ADGRA1: variants seen among roughly 807,000 people sequenced by gnomAD.
ADGRA1 encodes G-protein coupled receptor 123.
In ADGRA1, 12 loss-of-function variants were observed where a neutral mutation model predicts 21.3. The ratio of observed to expected loss-of-function variants is 0.56; its 90% CI spans 0.36 to 0.91. ADGRA1 has a LOEUF of 0.91. Among genes scored for constraint, ADGRA1 ranks in the 40% least tolerant of loss-of-function variants. The pLI, the probability that ADGRA1 is intolerant of heterozygous loss-of-function variation, is 0.01. For missense variants in ADGRA1, 790 were observed against 805.6 expected (o/e 0.98, Z 0.23); for synonymous variants, 385 against 368.8 (o/e 1.04, Z -0.50).
At chr10:133,111,287 ACAACCT>A (rs1851997413) in intron 5 of ADGRA1, among the ~76,000 whole-genome samples, 12 of 78,306 alleles carry the variant, frequency 1.5e-4, no homozygotes, top group Non-Finnish European at 2.1e-4. Flanking sequence ...ATCCCACCAG[ACAACCT>A]GCCCCCCCGG....
intron 5 of ADGRA1, among the ~76,000 whole-genome samples, chr10:133,110,866 C>T (rs1171398884): frequency 7.2e-5 from 11 of 152,242 alleles, no homozygotes; most frequent in Middle Eastern, 3.4e-3. Flanking sequence ...ATCCCTTTGC[C>T]GCAGAGTGAT....
intron 5 of ADGRA1, among the ~76,000 whole-genome samples, chr10:133,120,131 C>G (rs112315548): frequency 0.048 from 7,363 of 152,278 alleles, 589 homozygotes; most frequent in African/African-American, 0.16. Flanking sequence ...AGGCCAAGCG[C>G]GGTGGCTCAT....
chr10:133,103,733 C>T (rs1178131532), intron 5 of ADGRA1, among the ~76,000 whole-genome samples: 1 of 152,238 alleles, frequency 6.6e-6, no homozygotes, highest in Non-Finnish European at 1.5e-5. Flanking sequence ...CTGCTTTAGA[C>T]GGGGGTCTGG....
chr10:133,100,066 C>T (rs1851762871), intron 4 of ADGRA1, among the ~76,000 whole-genome samples: 1 of 152,244 alleles, frequency 6.6e-6, no homozygotes, highest in South Asian at 2.1e-4. Flanking sequence ...ACGGGCCGGG[C>T]AGGCGCTCAC....
intron 5 of ADGRA1, among the ~76,000 whole-genome samples, chr10:133,110,152 C>T (rs914181367): frequency 2.0e-5 from 3 of 152,266 alleles, no homozygotes; most frequent in Admixed American, 1.3e-4. Flanking sequence ...CAAAGTTCTC[C>T]TGTCCTGGGA....
rs1852447656 is a variant in ADGRA1 at position 133,128,958 on chromosome 10, T to C, written c.1130T>C (p.Leu377Pro). ...GCCGCGCAGGGCCACGCCAGTTGCC[T>C]GTCACCGGCCACCCCGTGCTGCGCC... ...LQAAQGHASC[L>P]SPATPCCAKM... The change falls in exon 7 of 7, where the codon CTG (leucine) becomes CCG (proline). Residue 377 changes from leucine to proline, a missense_variant. Transcript: ENST00000392607. 6.4e-7 allele frequency: 1 copy of C among 1,556,404 alleles called. No homozygotes were observed. The highest frequency in any genetic ancestry group is 1.2e-5 in the South Asian group (1 of 84,674).
chr10:133,129,566 C>T lies in ADGRA1; in HGVS notation c.*55C>T, dbSNP rs1179329249. On this transcript the variant is annotated 3_prime_UTR_variant, in exon 7 of 7. Coordinates refer to ENST00000392607, the MANE Select transcript of ADGRA1 (RefSeq NM_001083909.3). ...GGAGCTTCAGAGCAGAGTGGGGGGC[C>T]CATCTGCCACATGAGGTCACTGGGG... The T allele has an allele frequency of 6.9e-7, 1 of 1,452,638 alleles. No individual in the cohort carries two copies. 90.0% of individuals were successfully genotyped at this position (1,452,638 alleles called of 1,614,324 possible). A position where few individuals can be genotyped will look rare whatever the true frequency, so the allele number is the denominator to read the frequency against.
chr10:133,097,059 T>C lies in ADGRA1; in HGVS notation c.89T>C (p.Leu30Pro). ...VVYACTAVML[L>P]CLLASFVTYI... ...TACGCGTGCACGGCCGTCATGCTGC[T>C]CTGCCTCCTGGCCTCCTTCGTCACC... The change falls in exon 3 of 7, where the codon CTC becomes CCC. Residue 30 changes from leucine to proline, a missense_variant. Leu to Pro is a moderately conservative substitution (Grantham distance 98). Around this residue, in one of 3 missense-constraint regions of ADGRA1, gnomAD observed 382 missense variants for 415.6 expected, o/e 0.92. Coordinates refer to ENST00000392607, the MANE Select transcript of ADGRA1 (RefSeq NM_001083909.3). The C allele has an allele frequency of 6.2e-7, 1 of 1,609,966 alleles. No homozygotes were observed. Among genetic ancestry groups the C allele is most frequent in the South Asian group, 1.1e-5 (1 of 91,086 alleles).
chr10:133,118,971 A>G (rs1353907947), intron 5 of ADGRA1, among the ~76,000 whole-genome samples: 1 of 145,894 alleles, frequency 6.9e-6, no homozygotes. Context: ...TTTACATCAC[A>G]CACACGCACC....
intron 2 of ADGRA1, among the ~76,000 whole-genome samples, chr10:133,091,898 G>T (rs1851601758): frequency 6.6e-6 from 1 of 152,198 alleles, no homozygotes; most frequent in South Asian, 2.1e-4. Context: ...CCTCCTGGCG[G>T]TGCCCCCAGG....
intron 5 of ADGRA1, among the ~76,000 whole-genome samples, chr10:133,126,574 A>G (rs1006499065): frequency 6.6e-6 from 1 of 152,138 alleles, no homozygotes; most frequent in Non-Finnish European, 1.5e-5. Context: ...GCGGTGAGCA[A>G]GTGCACCCGG....
At position 133,128,661 on chromosome 10, in the gene ADGRA1, C is replaced by T. The variant is rs1449983048; in HGVS notation, c.833C>T (p.Ser278Leu). The change falls in exon 7 of 7, where the codon TCA (serine) becomes TTA (leucine). Residue 278 changes from serine to leucine, a missense_variant. Around this residue, in one of 3 missense-constraint regions of ADGRA1, gnomAD observed 382 missense variants for 415.6 expected, o/e 0.92. Transcript: ENST00000392607. ...TGGGCCTTCGGGGCGCTGGCGGTGT[C>T]ACAGGGCCACTTCCTGGACATGGTC... is the stretch of plus-strand genomic sequence containing the variant. ...ATWAFGALAV[S>L]QGHFLDMVFS... is the part of the protein sequence containing the mutation. 1 of 1,610,096 alleles carries T rather than the reference C, an allele frequency of 6.2e-7. No homozygotes were observed. The highest frequency in any genetic ancestry group is 8.5e-7 in the Non-Finnish European group (1 of 1,179,224).
rs1286939050 is a variant in ADGRA1 at position 133,127,377 on chromosome 10, GCT to G, written c.500+49_500+50del. On this transcript the variant is annotated intron_variant, in intron 6 of 6. Coordinates refer to ENST00000392607, the MANE Select transcript of ADGRA1 (RefSeq NM_001083909.3). Reference sequence around the variant, plus strand: ...ACCGGGAGCTGGGAGCAGCGGGTGGGCTCTGCCTGAGGTCCCTCCCAGGCACC... The same window carrying G: ...ACCGGGAGCTGGGAGCAGCGGGTGGGCTGCCTGAGGTCCCTCCCAGGCACC... The G allele has an allele frequency of 4.2e-6, 6 of 1,444,866 alleles. No individual in the cohort carries two copies. The East Asian group carries it at 1.3e-4, about 31-fold the overall frequency. 89.5% of individuals were successfully genotyped at this position (1,444,866 alleles called of 1,614,324 possible).
chr10:133,098,779 C>A lies in ADGRA1; in HGVS notation c.255+16C>A. ...GTGCCAGGCGGTGAGTGCCGGGGCG[C>A]CCTCGTTGGCTCCTCCCAGAGGGGA... On this transcript the variant is annotated intron_variant, in intron 4 of 6. Coordinates refer to ENST00000392607, the MANE Select transcript of ADGRA1 (RefSeq NM_001083909.3). 6.2e-7 allele frequency: 1 copy of A among 1,606,024 alleles called. No individual in the cohort carries two copies. The highest frequency in any genetic ancestry group is 2.2e-5 in the East Asian group (1 of 44,822).
intron 4 of ADGRA1, 113 bp downstream of exon 4, chr10:133,098,876 C>G: frequency 1.5e-6 from 2 of 1,369,488 alleles, no homozygotes; most frequent in Non-Finnish European, 2.0e-6. Context: ...GGAAGAGGGT[C>G]GGACCCTGGC....
intron 5 of ADGRA1, among the ~76,000 whole-genome samples, chr10:133,124,672 C>T (rs1396480668): frequency 6.6e-6 from 1 of 152,248 alleles, no homozygotes; most frequent in African/African-American, 2.4e-5. Flanking sequence ...ACAAGCTGGA[C>T]CCCTACCCTG....
At chr10:133,116,459 C>T (rs1192970665) in intron 5 of ADGRA1, among the ~76,000 whole-genome samples, 4 of 150,224 alleles carry the variant, frequency 2.7e-5, no homozygotes, top group East Asian at 2.0e-4. Context: ...AGGGCCACCA[C>T]GGCTACTCCA....
chr10:133,118,479 A>G (rs1384511049), intron 5 of ADGRA1, among the ~76,000 whole-genome samples: 1 of 152,126 alleles, frequency 6.6e-6, no homozygotes, highest in East Asian at 1.9e-4. Flanking sequence ...ACTTACAGTC[A>G]TGGTGGAAGG....
intron 5 of ADGRA1, among the ~76,000 whole-genome samples, chr10:133,106,594 G>A (rs2135883218): frequency 6.6e-6 from 1 of 152,380 alleles, no homozygotes; most frequent in South Asian, 2.1e-4. Context: ...CCTGGCCTCA[G>A]GGCGCAGGGG....
Sources: gnomAD v4.1 joint callset for allele counts (sites outside exome capture counted in the v4.1 genomes callset) on GRCh38, gnomAD v4.1.1 for gene constraint, gnomAD v4.1.1 regional missense constraint, MANE v1.5 for transcripts, NCBI Gene and HGNC (gene_info 2026-07-23, HGNC 2026-07-21) for gene names.